INPP5F: variants seen among roughly 807,000 people sequenced by gnomAD.
INPP5F encodes phosphatidylinositide 4-phosphatase SAC2.
In INPP5F, 97 loss-of-function variants were observed where a neutral mutation model predicts 137.2. The ratio of observed to expected loss-of-function variants is 0.71; its 90% CI spans 0.60 to 0.84. The LOEUF (loss-of-function observed/expected upper bound fraction) is 0.84. Ranked by LOEUF, INPP5F falls within the 40% of genes least tolerant of loss-of-function variation. The probability of loss-of-function intolerance (pLI) is 0.00; values close to 1 mark genes in which losing one functional copy is unlikely to be tolerated. For synonymous variants in INPP5F, 504 were observed against 476.9 expected (o/e 1.06, Z -0.74); for missense variants, 1,271 against 1,371.9 (o/e 0.93, Z 1.16).
intron 2 of INPP5F, among the ~76,000 whole-genome samples, chr10:119,753,520 G>A (rs578232242): frequency 5.9e-5 from 9 of 152,290 alleles, no homozygotes; most frequent in African/African-American, 1.9e-4. Flanking sequence ...GAGTTTGCCT[G>A]GGTGGTCTTA....
At chr10:119,745,997 C>T (rs1848521005) in intron 1 of INPP5F, among the ~76,000 whole-genome samples, 2 of 152,204 alleles carry the variant, frequency 1.3e-5, no homozygotes, top group African/African-American at 4.8e-5. Flanking sequence ...CCACCGTGCC[C>T]GACCAGGCTC....
At chr10:119,759,454 A>G (rs926143508) in intron 2 of INPP5F, among the ~76,000 whole-genome samples, 8 of 152,128 alleles carry the variant, frequency 5.3e-5, no homozygotes, top group African/African-American at 1.4e-4. Flanking sequence ...CAGTGGCACA[A>G]TCTTGGCTCA....
At chr10:119,766,006 A>G (rs1473653124) in intron 2 of INPP5F, among the ~76,000 whole-genome samples, 1 of 151,984 alleles carries the variant, frequency 6.6e-6, no homozygotes, top group Non-Finnish European at 1.5e-5. Context: ...GCCATCTGCA[A>G]TCTGGAGAAC....
intron 2 of INPP5F, among the ~76,000 whole-genome samples, chr10:119,761,628 T>A (rs1849013408): frequency 6.6e-6 from 1 of 151,140 alleles, no homozygotes; most frequent in African/African-American, 2.4e-5. Context: ...AACAGAAAAA[T>A]TCACTAAACA....
intron 2 of INPP5F, among the ~76,000 whole-genome samples, chr10:119,767,841 T>C (rs1033926180): frequency 4.6e-5 from 7 of 152,312 alleles, no homozygotes; most frequent in Non-Finnish European, 1.0e-4. Flanking sequence ...CCAGAAAGAA[T>C]AGTTTGAAAT....
Position 119,823,918 on chromosome 10 carries a change from CTCTCAAGAATAAA to C in INPP5F, c.2249+17_2249+29del. The C allele has an allele frequency of 6.4e-7, 1 of 1,574,068 alleles. No individual in the cohort carries two copies. Among genetic ancestry groups the C allele is most frequent in the Non-Finnish European group, 8.7e-7 (1 of 1,147,280 alleles). ...AACTTGAGAGGTGAGTATACTGCTT[CTCTCAAGAATAAA>C]GGCATTCTTATCCAAGGTCTTATTT... is the stretch of plus-strand genomic sequence containing the variant. On this transcript the variant is annotated intron_variant, in intron 19 of 19. Coordinates refer to ENST00000650623, the MANE Select transcript of INPP5F (RefSeq NM_014937.4).
intron 9 of INPP5F, among the ~76,000 whole-genome samples, chr10:119,801,327 T>C (rs979585263): frequency 6.6e-6 from 1 of 152,238 alleles, no homozygotes; most frequent in African/African-American, 2.4e-5. Flanking sequence ...ATACAGTTGG[T>C]TCTCTTCCAT....
chr10:119,804,508 G>A (rs1290440277), intron 10 of INPP5F, among the ~76,000 whole-genome samples: 3 of 152,118 alleles, frequency 2.0e-5, no homozygotes, highest in Non-Finnish European at 4.4e-5. Flanking sequence ...ATTTACAGTC[G>A]TTCTGTTCCA....
At chr10:119,776,531 A>G (rs1053271420) in intron 2 of INPP5F, among the ~76,000 whole-genome samples, 1 of 152,116 alleles carries the variant, frequency 6.6e-6, no homozygotes, top group African/African-American at 2.4e-5. Context: ...TTTATTGGAA[A>G]GATACTATAT....
At chr10:119,754,691 T>A (rs538609105) in intron 2 of INPP5F, among the ~76,000 whole-genome samples, 9 of 152,090 alleles carry the variant, frequency 5.9e-5, no homozygotes, top group Non-Finnish European at 5.9e-5. Context: ...GGGCCCCTGC[T>A]GCTTTTCCCT....
At position 119,744,127 on chromosome 10, in the gene INPP5F, T is replaced by C. The variant is rs911909352; in HGVS notation, c.98-6949T>C. Among the ~76,000 whole-genome samples the C allele has an allele frequency of 5.3e-4, 81 of 152,250 alleles. 2 individuals carry two copies. Among genetic ancestry groups the C allele is most frequent in the Non-Finnish European group, 2.5e-4 (17 of 68,048 alleles). On this transcript the variant is annotated intron_variant, in intron 1 of 19. Coordinates refer to ENST00000650623, the MANE Select transcript of INPP5F (RefSeq NM_014937.4). ...TTTTGTTTTCTCTTCTATTCTGTTT[T>C]AGTGCTATTAATGCTGATCTCTTTA...
At chr10:119,755,817 T>C (rs1848824048) in intron 2 of INPP5F, among the ~76,000 whole-genome samples, 1 of 152,222 alleles carries the variant, frequency 6.6e-6, no homozygotes, top group Admixed American at 6.5e-5. Context: ...TTGACACAGT[T>C]ATTGCGAAGA....
At chr10:119,780,303 G>A (rs376427399) in intron 2 of INPP5F, among the ~76,000 whole-genome samples, 36 of 151,760 alleles carry the variant, frequency 2.4e-4, no homozygotes, top group East Asian at 2.3e-3. Context: ...GGCTGGGCAC[G>A]GTGGCTCATG....
chr10:119,811,009 A>C (rs1313311922), intron 14 of INPP5F, among the ~76,000 whole-genome samples: 1 of 152,230 alleles, frequency 6.6e-6, no homozygotes, highest in African/African-American at 2.4e-5. Flanking sequence ...TGGAGGGTGC[A>C]TGCTGTGACT....
chr10:119,729,036 C>T (rs1156647756), intron 1 of INPP5F, among the ~76,000 whole-genome samples: 1 of 151,964 alleles, frequency 6.6e-6, no homozygotes, highest in Non-Finnish European at 1.5e-5. Context: ...TTGAGTTGAG[C>T]TGAATTAAAG....
intron 2 of INPP5F, among the ~76,000 whole-genome samples, chr10:119,763,088 C>T (rs1849053450): frequency 6.6e-6 from 1 of 152,164 alleles, no homozygotes; most frequent in African/African-American, 2.4e-5. Flanking sequence ...CAGACTTGGG[C>T]TAGACATTTC....
intron 2 of INPP5F, among the ~76,000 whole-genome samples, chr10:119,771,150 A>G: frequency 6.6e-6 from 1 of 152,198 alleles, no homozygotes; most frequent in African/African-American, 2.4e-5. Flanking sequence ...CTCCTAATCT[A>G]CCTTCTGTCT....
At chr10:119,759,797 C>T (rs542139803) in intron 2 of INPP5F, among the ~76,000 whole-genome samples, 1 of 152,278 alleles carries the variant, frequency 6.6e-6, no homozygotes, top group South Asian at 2.1e-4. Context: ...TTACATTCTC[C>T]GGTATCTTCT....
chr10:119,800,894 G>A (rs1292467221), intron 9 of INPP5F, among the ~76,000 whole-genome samples: 4 of 144,204 alleles, frequency 2.8e-5, no homozygotes, highest in African/African-American at 1.0e-4. Context: ...AGGTTGCAGT[G>A]AGCCAAGATC....
Sources: gnomAD v4.1 joint callset for allele counts (sites outside exome capture counted in the v4.1 genomes callset) on GRCh38, gnomAD v4.1.1 for gene constraint, MANE v1.5 for transcripts, NCBI Gene and HGNC (gene_info 2026-07-23, HGNC 2026-07-21) for gene names.